CSMD1: variants seen among roughly 807,000 people sequenced by gnomAD.
CSMD1 encodes CUB and sushi domain-containing protein 1.
In CSMD1, 213 loss-of-function variants were observed where a neutral mutation model predicts 417.5. The observed-to-expected ratio is 0.51, with a 90% CI of 0.46 to 0.57. The LOEUF (loss-of-function observed/expected upper bound fraction) is 0.57. Ranked by LOEUF, CSMD1 falls within the 20% of genes least tolerant of loss-of-function variation. CSMD1 has a pLI of 0.00. For synonymous variants in CSMD1, 2,862 were observed against 1,736.8 expected (o/e 1.65, Z -16.11); for missense variants, 6,923 against 4,529.7 (o/e 1.53, Z -15.17).
At chr8:3,259,411 G>A (rs1800889574) in intron 26 of CSMD1, among the ~76,000 whole-genome samples, 1 of 137,360 alleles carries the variant, frequency 7.3e-6, no homozygotes, top group South Asian at 2.3e-4. Flanking sequence ...TAATCCTGAT[G>A]GCCTGAATGA....
At chr8:3,937,133 G>A (rs1300186153) in intron 5 of CSMD1, among the ~76,000 whole-genome samples, 1 of 152,192 alleles carries the variant, frequency 6.6e-6, no homozygotes. Flanking sequence ...TGCTTCTTAT[G>A]GATGAGCAAA....
At chr8:4,987,149 G>A (rs1029255917) in intron 1 of CSMD1, among the ~76,000 whole-genome samples, 4 of 152,110 alleles carry the variant, frequency 2.6e-5, no homozygotes, top group African/African-American at 7.2e-5. Context: ...AGAATTACCT[G>A]GGATGGGCGT....
At position 3,407,922 on chromosome 8, in the gene CSMD1, C is replaced by G; in HGVS notation, c.2048G>C (p.Arg683Thr). The change falls in exon 14 of 70, where the codon AGA becomes ACA. Residue 683 changes from arginine to threonine, a missense_variant. Arg to Thr is a moderately conservative substitution (Grantham distance 71). Transcript: ENST00000635120. ...ACTGGTGTAAGTGATGTTGAACCCT[C>G]TGCCAGTAGTGGAATGGTCAGACTG... is the stretch of plus-strand genomic sequence containing the variant. ...EFQSDHSTTG[R>T]GFNITYTTFG... The G allele has an allele frequency of 2.5e-6, 4 of 1,611,754 alleles. No individual in the cohort carries two copies. Among genetic ancestry groups the G allele is most frequent in the Non-Finnish European group, 3.4e-6 (4 of 1,178,452 alleles).
At chr8:3,716,554 T>A (rs191417654) in intron 6 of CSMD1, among the ~76,000 whole-genome samples, 2 of 152,278 alleles carry the variant, frequency 1.3e-5, no homozygotes, top group South Asian at 2.1e-4. Flanking sequence ...GTCACTCTCG[T>A]CCCCGTCTTG....
intron 5 of CSMD1, among the ~76,000 whole-genome samples, chr8:3,969,935 T>C (rs1233943290): frequency 6.6e-6 from 1 of 152,200 alleles, no homozygotes; most frequent in African/African-American, 2.4e-5. Flanking sequence ...CTCATTTTAT[T>C]TAAACAACCT....
rs555093482 is a variant in CSMD1 at position 4,985,414 on chromosome 8, C to T, written c.85+8918G>A. ...ATGTGGTGTAGGTGAATAGGAAGGG[C>T]CCATGCGTTACAGTTATACTGAACT... On this transcript the variant is annotated intron_variant, in intron 1 of 69. Coordinates refer to ENST00000635120, the MANE Select transcript of CSMD1 (RefSeq NM_033225.6). Among the ~76,000 whole-genome samples, 6 of 152,202 alleles carry T rather than the reference C, an allele frequency of 3.9e-5. No homozygotes were observed. In the South Asian group the frequency reaches 1.2e-3, roughly 32 times the overall value.
At position 4,638,886 on chromosome 8, in the gene CSMD1, G is replaced by T. The variant is rs531890903; in HGVS notation, c.86-1328C>A. Among the ~76,000 whole-genome samples the T allele has an allele frequency of 9.1e-4, 139 of 152,294 alleles. 2 individuals carry two copies. The highest frequency in any genetic ancestry group is 1.8e-3 in the Non-Finnish European group (120 of 68,016). On this transcript the variant is annotated intron_variant, in intron 1 of 69. Coordinates refer to ENST00000635120, the MANE Select transcript of CSMD1 (RefSeq NM_033225.6). ...CTGCCTCTGCCTCTGAAGATTTTGT[G>T]TTATTGATTCTAACAAAGCACTTCT...
At chr8:3,218,370 G>C (rs1051443281) in intron 29 of CSMD1, among the ~76,000 whole-genome samples, 2 of 150,174 alleles carry the variant, frequency 1.3e-5, no homozygotes, top group East Asian at 4.0e-4. Flanking sequence ...GATCATCCTG[G>C]CTAACACTGT....
chr8:4,408,618 A>G (rs914987943), intron 3 of CSMD1, among the ~76,000 whole-genome samples: 1 of 152,220 alleles, frequency 6.6e-6, no homozygotes, highest in African/African-American at 2.4e-5. Flanking sequence ...CTGATAATGG[A>G]AAATGTACTC....
At chr8:4,193,341 A>C (rs1313597686) in intron 3 of CSMD1, among the ~76,000 whole-genome samples, 1 of 152,194 alleles carries the variant, frequency 6.6e-6, no homozygotes, top group African/African-American at 2.4e-5. Flanking sequence ...CCAATAAAAA[A>C]AATACTCAAT....
intron 33 of CSMD1, among the ~76,000 whole-genome samples, chr8:3,198,235 A>T (rs1163420870): frequency 6.6e-6 from 1 of 152,214 alleles, no homozygotes; most frequent in Non-Finnish European, 1.5e-5. Context: ...TATAATCTTT[A>T]TCAAAAACCA....
At position 3,016,206 on chromosome 8, in the gene CSMD1, C is replaced by A. The variant is rs149558250; in HGVS notation, c.8029+2271G>T. ...TTATAACCTGCCTCCAAATATGGCACCTAGTTGATATTTGGATTATGGAGG... is the reference window on the plus strand; with the variant it reads ...TTATAACCTGCCTCCAAATATGGCAACTAGTTGATATTTGGATTATGGAGG... On this transcript the variant is annotated intron_variant, in intron 52 of 69. Transcript: ENST00000635120. Among the ~76,000 whole-genome samples the A allele has an allele frequency of 1.4e-4, 22 of 152,280 alleles. No individual in the cohort carries two copies. In the East Asian group the frequency reaches 3.9e-3, roughly 27 times the overall value.
rs1440392165 is a variant in CSMD1, at chr8:3,262,185, ATATATATAT to A, written c.4153+21950_4153+21958del. ...TATTTCTAAAATTATGCTCATATGA[ATATATATAT>A]ATATATATATATATATATATATATA... is the stretch of plus-strand genomic sequence containing the variant. On this transcript the variant is annotated intron_variant, in intron 26 of 69. Transcript: ENST00000635120. 3.0e-4 allele frequency among the ~76,000 whole-genome samples: 14 copies of A among 46,294 alleles called. 1 individual carries two copies. Among genetic ancestry groups the A allele is most frequent in the East Asian group, 9.8e-4 (2 of 2,044 alleles). The allele number at this position is 46,294 out of a possible 152,430, so 30.4% of individuals were successfully genotyped here.
At chr8:4,454,047 C>G (rs1451083688) in intron 2 of CSMD1, among the ~76,000 whole-genome samples, 1 of 151,982 alleles carries the variant, frequency 6.6e-6, no homozygotes, top group African/African-American at 2.4e-5. Flanking sequence ...TGGTCTCGAT[C>G]TCCTGACCTC....
intron 6 of CSMD1, among the ~76,000 whole-genome samples, chr8:3,714,608 G>C (rs1446616954): frequency 1.4e-5 from 2 of 143,164 alleles, no homozygotes; most frequent in African/African-American, 2.6e-5. Context: ...ATGGTGGCGG[G>C]CGACTGTAGT....
chr8:4,646,895 G>C (rs539232933), intron 1 of CSMD1, among the ~76,000 whole-genome samples: 19 of 152,138 alleles, frequency 1.2e-4, no homozygotes, highest in Non-Finnish European at 1.9e-4. Context: ...CAAATTATGA[G>C]CAGATTTTTT....
chr8:4,019,929 A>C (rs1016065679), intron 4 of CSMD1, among the ~76,000 whole-genome samples: 8 of 138,476 alleles, frequency 5.8e-5, no homozygotes, highest in East Asian at 2.3e-4. Flanking sequence ...AAAAAAAAAA[A>C]AACCCTTTTT....
intron 3 of CSMD1, among the ~76,000 whole-genome samples, chr8:4,060,789 A>T (rs976557989): frequency 2.0e-5 from 3 of 152,192 alleles, no homozygotes; most frequent in African/African-American, 4.8e-5. Flanking sequence ...GGACCCTGAG[A>T]TTAAAAAAAG....
intron 1 of CSMD1, among the ~76,000 whole-genome samples, chr8:4,845,328 G>C (rs1469575640): frequency 2.6e-5 from 4 of 152,160 alleles, no homozygotes; most frequent in Non-Finnish European, 5.9e-5. Context: ...TCTTGATGTA[G>C]ACACTAGCTA....
Sources: gnomAD v4.1 joint callset for allele counts (sites outside exome capture counted in the v4.1 genomes callset) on GRCh38, gnomAD v4.1.1 for gene constraint, MANE v1.5 for transcripts, NCBI Gene and HGNC (gene_info 2026-07-23, HGNC 2026-07-21) for gene names.